The following UNC13C variants were observed in gnomAD, a reference collection of about 807,000 sequenced individuals.
The protein encoded by UNC13C is unc-13 homolog C, also known as protein unc-13 homolog C.
In UNC13C, 174 loss-of-function variants were observed where a neutral mutation model predicts 245.4. The ratio of observed to expected loss-of-function variants is 0.71; its 90% CI spans 0.63 to 0.80. The LOEUF (loss-of-function observed/expected upper bound fraction) is 0.80. UNC13C is among the 30% of genes least tolerant of loss of function. The pLI is 0.00. For synonymous variants in UNC13C, 992 were observed against 895.1 expected, an observed-to-expected ratio of 1.11 and a Z score of -1.93; for missense variants, 2,829 against 2,602.9, an observed-to-expected ratio of 1.09 and a Z score of -1.89.
intron 2 of UNC13C, among the ~76,000 whole-genome samples, chr15:54,079,918 C>T (rs193059468): frequency 2.6e-5 from 4 of 151,130 alleles, no homozygotes; most frequent in African/African-American, 9.7e-5. Context: ...TCAACTTTTC[C>T]CCATTCAGTA....
chr15:54,013,660 A>G lies in UNC13C; in HGVS notation c.757A>G (p.Ile253Val), dbSNP rs1361303866. 1.2e-6 allele frequency: 2 copies of G among 1,613,872 alleles called. No individual in the cohort carries two copies. The highest frequency in any genetic ancestry group is 1.7e-6 in the Non-Finnish European group (2 of 1,179,848). ...AATGATCTTTAAGGAACTTCAGGGA[A>G]TAAGTCAGATTGAAACAGAACTTTC... ...MEMIFKELQG[I>V]SQIETELSEL... The change falls in exon 2 of 33, where the codon ATA becomes GTA. Residue 253 changes from isoleucine (I) to valine (V), a missense_variant. Coordinates refer to ENST00000260323, the MANE Select transcript of UNC13C (RefSeq NM_001080534.3).
chr15:54,176,904 C>T (rs1310816672), intron 4 of UNC13C, among the ~76,000 whole-genome samples: 4 of 152,038 alleles, frequency 2.6e-5, no homozygotes, highest in Admixed American at 6.5e-5. Context: ...GATAAAGACT[C>T]ATCACATTAA....
rs181339316 is a variant in UNC13C at position 54,620,351 on chromosome 15, C to G, written c.6107-1976C>G. Reference sequence around the variant, plus strand: ...AACTTACATTGTATACGTTTAGAGTCCCTTCTTAAAGGTTTTAGGCACATT... The same window carrying G: ...AACTTACATTGTATACGTTTAGAGTGCCTTCTTAAAGGTTTTAGGCACATT... On this transcript the variant is annotated intron_variant, in intron 30 of 32. Transcript: ENST00000260323. 1.1e-4 allele frequency among the ~76,000 whole-genome samples: 16 copies of G among 152,212 alleles called. No individual in the cohort carries two copies. The East Asian group carries it at 2.9e-3, about 28-fold the overall frequency.
chr15:54,166,323 G>GA (rs945159806), intron 4 of UNC13C, among the ~76,000 whole-genome samples: 1 of 151,856 alleles, frequency 6.6e-6, no homozygotes, highest in Non-Finnish European at 1.5e-5. Flanking sequence ...TAGGAGACAT[G>GA]AAAAAATATT....
In UNC13C at chr15:54,265,487, A is replaced by T; in HGVS notation, c.3809A>T (p.Lys1270Met). The T allele has an allele frequency of 6.5e-7, 1 of 1,542,072 alleles. No individual in the cohort carries two copies. Among genetic ancestry groups the T allele is most frequent in the Non-Finnish European group, 8.8e-7 (1 of 1,140,660 alleles). Residue 1270 changes from lysine (K) to methionine (M), a missense_variant, in exon 10 of 33, where the codon AAG becomes ATG. By Grantham distance (95) the Lys-to-Met change is moderately conservative (BLOSUM62 -1). Coordinates refer to ENST00000260323, the MANE Select transcript of UNC13C (RefSeq NM_001080534.3). Reference protein sequence around the residue: ...FGNLNPVWDEKFYFECHNSTD... With the variant: ...FGNLNPVWDEMFYFECHNSTD... The stretch of plus-strand genomic sequence containing the variant: ...AATTTGAATCCAGTATGGGATGAGA[A>T]GTTTTATTTGTGAGTATATAATGTG...
chr15:53,981,282 G>C (rs563781235), intron 1 of UNC13C, among the ~76,000 whole-genome samples: 1 of 152,202 alleles, frequency 6.6e-6, no homozygotes, highest in East Asian at 1.9e-4. Flanking sequence ...CCATCCCATA[G>C]TCTTTACTAC....
rs977880402 is a variant in UNC13C at position 54,511,652 on chromosome 15, G to A, written c.5380-101G>A. ...ATTAGTATATACATCTAATATAATA[G>A]GAATCCAAGATAGCTATTTTCCACC... On this transcript the variant is annotated intron_variant, in intron 23 of 32. Coordinates refer to ENST00000260323, the MANE Select transcript of UNC13C (RefSeq NM_001080534.3). The A allele has an allele frequency of 7.9e-6, 6 of 760,432 alleles. No individual in the cohort carries two copies. The African/African-American group carries it at 1.1e-4, about 14-fold the overall frequency. 47.1% of individuals were successfully genotyped at this position (760,432 alleles called of 1,614,324 possible).
At chr15:53,940,859 A>G in the UNC13C span, among the ~76,000 whole-genome samples, 2 of 152,246 alleles carry the variant, frequency 1.3e-5, no homozygotes, top group Admixed American at 6.5e-5. Context: ...GTATAGAAAT[A>G]ATCAATGTCA....
At chr15:54,007,854 G>T (rs1895211705) in intron 1 of UNC13C, among the ~76,000 whole-genome samples, 1 of 152,202 alleles carries the variant, frequency 6.6e-6, no homozygotes, top group Middle Eastern at 3.2e-3. Flanking sequence ...AGACAAGCGT[G>T]AGTCCTGAGG....
the UNC13C span, among the ~76,000 whole-genome samples, chr15:53,905,432 A>ACACACAC: frequency 1.3e-5 from 2 of 149,318 alleles, no homozygotes; most frequent in South Asian, 2.1e-4. Flanking sequence ...ACACACACAC[A>ACACACAC]ATGGAATATT....
chr15:53,991,369 A>AT (rs1894379604), intron 1 of UNC13C, among the ~76,000 whole-genome samples: 1 of 151,990 alleles, frequency 6.6e-6, no homozygotes, highest in East Asian at 1.9e-4. Flanking sequence ...CATATCAAAA[A>AT]TCATGTCGAT....
At chr15:53,994,159 C>T (rs899501085) in intron 1 of UNC13C, among the ~76,000 whole-genome samples, 4 of 147,626 alleles carry the variant, frequency 2.7e-5, no homozygotes, top group African/African-American at 5.2e-5. Context: ...ACAGAAGAGA[C>T]GTTACACGTA....
chr15:54,310,037 A>G (rs1194783485), intron 13 of UNC13C, among the ~76,000 whole-genome samples: 2 of 151,632 alleles, frequency 1.3e-5, no homozygotes, highest in African/African-American at 4.8e-5. Flanking sequence ...GTTTTTAATC[A>G]TGTCTTTAGG....
At chr15:54,031,354 C>T (rs1246974679) in intron 2 of UNC13C, among the ~76,000 whole-genome samples, 1 of 152,122 alleles carries the variant, frequency 6.6e-6, no homozygotes, top group East Asian at 1.9e-4. Flanking sequence ...CTCCTGAGTA[C>T]CTGGGACTAC....
At chr15:53,947,728 T>A in the UNC13C span, 1 of 152,384 alleles carries the variant, frequency 6.6e-6, no homozygotes, top group South Asian at 2.1e-4. Flanking sequence ...ATTGAATTTC[T>A]ACTGCAGAAA....
intron 8 of UNC13C, among the ~76,000 whole-genome samples, chr15:54,250,759 T>C (rs1417100446): frequency 6.9e-5 from 9 of 129,672 alleles, no homozygotes; most frequent in African/African-American, 8.8e-5. Flanking sequence ...CTTTTTTTTT[T>C]TTTTTTTTTT....
chr15:54,380,614 C>T (rs947471929), intron 17 of UNC13C, among the ~76,000 whole-genome samples: 1 of 150,918 alleles, frequency 6.6e-6, no homozygotes, highest in African/African-American at 2.4e-5. Flanking sequence ...ATGTCCTAAC[C>T]AACACGTGTT....
intron 2 of UNC13C, among the ~76,000 whole-genome samples, chr15:54,112,140 A>G (rs1900809793): frequency 6.6e-6 from 1 of 152,150 alleles, no homozygotes; most frequent in South Asian, 2.1e-4. Flanking sequence ...TATCCCCAAC[A>G]TTTCCTCTTC....
intron 19 of UNC13C, among the ~76,000 whole-genome samples, chr15:54,485,262 A>C (rs1416891701): frequency 3.9e-5 from 6 of 152,202 alleles, no homozygotes; most frequent in South Asian, 2.1e-4. Context: ...ACATTCTTTC[A>C]TCCATTTATC....
Sources: gnomAD v4.1 joint callset for allele counts (sites outside exome capture counted in the v4.1 genomes callset) on GRCh38, gnomAD v4.1.1 for gene constraint, MANE v1.5 for transcripts, NCBI Gene and HGNC (gene_info 2026-07-23, HGNC 2026-07-21) for gene names.